Variants in CNTN5 observed in about 807,000 individuals in gnomAD.
CNTN5 encodes contactin-5.
A neutral mutation model predicts 129.1 loss-of-function variants in CNTN5; 77 were observed. That is an observed-to-expected ratio of 0.60 (90% CI 0.50 to 0.72). CNTN5 has a LOEUF of 0.72. Among genes scored for constraint, CNTN5 ranks in the 30% least tolerant of loss-of-function variants. CNTN5 has a pLI of 0.00. For synonymous variants in CNTN5, 509 were observed against 465.6 expected (o/e 1.09, Z -1.20); for missense variants, 1,478 against 1,328.8 (o/e 1.11, Z -1.75).
chr11:99,450,768 GTTTTTTTT>G (rs34146715), intron 2 of CNTN5, among the ~76,000 whole-genome samples: 3 of 105,004 alleles, frequency 2.9e-5, no homozygotes, highest in Non-Finnish European at 5.7e-5. Flanking sequence ...ATTGAAGCAA[GTTTTTTTT>G]TTTTTTTTTT....
chr11:99,202,183 T>A (rs973610477), intron 1 of CNTN5, among the ~76,000 whole-genome samples: 6 of 152,230 alleles, frequency 3.9e-5, no homozygotes, highest in African/African-American at 1.4e-4. Flanking sequence ...AAAAAGTTGC[T>A]GAGCCAATTA....
intron 1 of CNTN5, among the ~76,000 whole-genome samples, chr11:99,315,024 T>C (rs528084687): frequency 6.7e-6 from 1 of 148,988 alleles, no homozygotes; most frequent in African/African-American, 2.4e-5. Flanking sequence ...ATGTTGCTGT[T>C]CTTCAGACCA....
chr11:100,076,854 T>C (rs1944151478), intron 13 of CNTN5, among the ~76,000 whole-genome samples: 1 of 152,106 alleles, frequency 6.6e-6, no homozygotes, highest in African/African-American at 2.4e-5. Context: ...ATTTTTATTA[T>C]TGAATGACTT....
At chr11:100,026,189 A>C (rs1941410887) in intron 9 of CNTN5, among the ~76,000 whole-genome samples, 1 of 152,014 alleles carries the variant, frequency 6.6e-6, no homozygotes, top group Non-Finnish European at 1.5e-5. Context: ...AGTTCTTATG[A>C]GATCTGAGGG....
intron 13 of CNTN5, among the ~76,000 whole-genome samples, chr11:100,106,225 C>T (rs1044315236): frequency 7.9e-5 from 12 of 152,156 alleles, no homozygotes; most frequent in Admixed American, 5.9e-4. Flanking sequence ...CACCTTCACT[C>T]ACAGTTGACT....
intron 3 of CNTN5, among the ~76,000 whole-genome samples, chr11:99,628,072 C>T (rs910395955): frequency 2.0e-5 from 3 of 151,650 alleles, no homozygotes; most frequent in Admixed American, 6.6e-5. Context: ...TTAATGTATT[C>T]GTTGGTTACA....
chr11:99,925,834 C>A (rs2136053579), intron 7 of CNTN5, among the ~76,000 whole-genome samples: 1 of 151,872 alleles, frequency 6.6e-6, no homozygotes, highest in Non-Finnish European at 1.5e-5. Context: ...GTAAACAAAT[C>A]CAGAGAATAT....
At chr11:99,196,782 A>C (rs1224711663) in intron 1 of CNTN5, among the ~76,000 whole-genome samples, 2 of 151,986 alleles carry the variant, frequency 1.3e-5, no homozygotes, top group African/African-American at 2.4e-5. Context: ...AAAAAGAAAA[A>C]CAAAATTTTA....
chr11:99,095,057 C>A (rs1309103136), intron 1 of CNTN5, among the ~76,000 whole-genome samples: 2 of 151,638 alleles, frequency 1.3e-5, no homozygotes, highest in Non-Finnish European at 3.0e-5. Context: ...TAGGTATACA[C>A]GTGCCATGGT....
chr11:99,576,591 G>A lies in CNTN5; in HGVS notation c.55+20322G>A, dbSNP rs573191779. Among the ~76,000 whole-genome samples, 15 of 152,318 alleles carry A rather than the reference G, an allele frequency of 9.8e-5. No individual in the cohort carries two copies. The South Asian group carries it at 2.3e-3, about 23-fold the overall frequency. On this transcript the variant is annotated intron_variant, in intron 3 of 24. Coordinates refer to ENST00000524871, the MANE Select transcript of CNTN5 (RefSeq NM_014361.4). ...TCAGTCTTAATTCATAGAGGTAACA[G>A]ACTCTCTTAATCCATTTGGGCTGCT...
At chr11:100,116,309 T>C (rs965190777) in intron 13 of CNTN5, among the ~76,000 whole-genome samples, 2 of 152,160 alleles carry the variant, frequency 1.3e-5, no homozygotes, top group South Asian at 2.1e-4. Flanking sequence ...AAACTAAATG[T>C]ATTAATAAAC....
intron 1 of CNTN5, among the ~76,000 whole-genome samples, chr11:99,260,761 C>A (rs1676145423): frequency 6.6e-6 from 1 of 151,880 alleles, no homozygotes; most frequent in Admixed American, 6.6e-5. Flanking sequence ...GTGTCCTTGA[C>A]TAATTTAAGC....
intron 3 of CNTN5, among the ~76,000 whole-genome samples, chr11:99,691,308 C>G (rs1351453849): frequency 6.6e-6 from 1 of 151,726 alleles, no homozygotes; most frequent in South Asian, 2.1e-4. Flanking sequence ...TTTCTTTGCT[C>G]TTGGTTCTCT....
At chr11:99,197,858 A>C (rs2135615349) in intron 1 of CNTN5, among the ~76,000 whole-genome samples, 1 of 152,290 alleles carries the variant, frequency 6.6e-6, no homozygotes, top group African/African-American at 2.4e-5. Flanking sequence ...AATTTCTAAC[A>C]GTAGAGATAA....
In CNTN5 at chr11:100,261,734, T is replaced by G. The variant is rs560132716; in HGVS notation, c.2164+5816T>G. On this transcript the variant is annotated intron_variant, in intron 17 of 24. Transcript: ENST00000524871. ...ATTTAATAAATGGTATTGGGAAAAC[T>G]GACTAGCTATATGCAGAAAACAGCA... is the stretch of plus-strand genomic sequence containing the variant. Among the ~76,000 whole-genome samples, 323 of 152,268 alleles carry G rather than the reference T, an allele frequency of 2.1e-3. 3 individuals carry two copies. The highest frequency in any genetic ancestry group is 7.7e-3 in the African/African-American group (318 of 41,564).
At chr11:99,711,522 T>A (rs1252159721) in intron 3 of CNTN5, among the ~76,000 whole-genome samples, 1 of 152,022 alleles carries the variant, frequency 6.6e-6, no homozygotes, top group Non-Finnish European at 1.5e-5. Context: ...GGGGTACATA[T>A]GCATAATGTG....
At chr11:100,042,466 G>A (rs1376117004) in intron 9 of CNTN5, among the ~76,000 whole-genome samples, 1 of 152,108 alleles carries the variant, frequency 6.6e-6, no homozygotes, top group African/African-American at 2.4e-5. Context: ...CTTATGCAAG[G>A]AAAATAGGAA....
intron 2 of CNTN5, among the ~76,000 whole-genome samples, chr11:99,455,251 C>T (rs1488737163): frequency 1.3e-5 from 2 of 152,044 alleles, no homozygotes; most frequent in African/African-American, 2.4e-5. Flanking sequence ...AAATTAGCTA[C>T]AATGAGTGAC....
intron 13 of CNTN5, among the ~76,000 whole-genome samples, chr11:100,092,003 A>G (rs1339031192): frequency 6.6e-6 from 1 of 152,138 alleles, no homozygotes; most frequent in African/African-American, 2.4e-5. Flanking sequence ...AGACAGTATT[A>G]TATACCACTC....
Sources: allele counts gnomAD v4.1 joint callset (sites outside exome capture counted in the v4.1 genomes callset), GRCh38; gene constraint gnomAD v4.1.1; transcripts MANE v1.5; gene names NCBI Gene and HGNC (gene_info 2026-07-23, HGNC 2026-07-21).